The following CPEB2 variants were observed in gnomAD, a reference collection of about 807,000 sequenced individuals.
CPEB2 encodes cytoplasmic polyadenylation element binding protein 2, also known as cytoplasmic polyadenylation element-binding protein 2.
CPEB2 carries 56 observed loss-of-function variants against 93.6 expected under a neutral mutation model. The ratio of observed to expected loss-of-function variants is 0.60; its 90% confidence interval spans 0.48 to 0.75. The LOEUF (loss-of-function observed/expected upper bound fraction) is 0.75, where lower values mean the gene tolerates loss of function less well. Among genes scored for constraint, CPEB2 ranks in the 30% least tolerant of loss-of-function variants. The probability of loss-of-function intolerance (pLI) is 0.00; values close to 1 mark genes in which losing one functional copy is unlikely to be tolerated. For missense variants in CPEB2, 1,579 were observed against 1,395.1 expected (o/e 1.13, Z -2.10); for synonymous variants, 764 against 586.3 (o/e 1.30, Z -4.38).
chr4:15,039,661 G>A (rs1342715635), intron 5 of CPEB2, among the ~76,000 whole-genome samples: 1 of 151,884 alleles, frequency 6.6e-6, no homozygotes, highest in Non-Finnish European at 1.5e-5. Flanking sequence ...AGAAATTACA[G>A]TCTTTTTTTT....
chr4:15,012,856 G>A (rs1477744286), intron 3 of CPEB2, among the ~76,000 whole-genome samples: 1 of 151,756 alleles, frequency 6.6e-6, no homozygotes, highest in African/African-American at 2.4e-5. Flanking sequence ...TTTTTCTTTG[G>A]AAGAGTACCT....
chr4:15,043,266 A>G (rs965749508), intron 6 of CPEB2, among the ~76,000 whole-genome samples: 3 of 152,222 alleles, frequency 2.0e-5, no homozygotes, highest in African/African-American at 4.8e-5. Context: ...ATATTAATTT[A>G]TGAAATATAC....
At chr4:15,007,908 T>G (rs1174083148) in intron 2 of CPEB2, among the ~76,000 whole-genome samples, 1 of 152,198 alleles carries the variant, frequency 6.6e-6, no homozygotes, top group Non-Finnish European at 1.5e-5. Flanking sequence ...CCACCAAAAT[T>G]TGTTTCTCCT....
chr4:15,066,010 G>A (rs1560259641), intron 11 of CPEB2, 143 bp from the exon 12 acceptor site: 1 of 682,180 alleles, frequency 1.5e-6, no homozygotes. Flanking sequence ...CTACTACATT[G>A]TAAAGCTCCT....
At chr4:15,052,625 TAACAAA>T (rs1430512689) in intron 7 of CPEB2, 41 bp downstream of exon 7, 1 of 1,291,132 alleles carries the variant, frequency 7.7e-7, no homozygotes, top group South Asian at 2.2e-5. Flanking sequence ...ATTTGGGCTT[TAACAAA>T]AACAAAAAGA....
rs1577467762 is a variant in CPEB2 at position 15,059,401 on chromosome 4, G to A, written c.2695+100G>A. The A allele has an allele frequency of 1.3e-5, 9 of 705,576 alleles. No individual in the cohort carries two copies. The South Asian group carries it at 1.4e-4, about 11-fold the overall frequency. The allele number at this position is 705,576 out of a possible 1,614,324, so 43.7% of individuals were successfully genotyped here. ...AGCTATTGTGTACATGACACTATTGGACAGAGCAGGAGCAGATTCTGCATG... is the reference window on the plus strand; with the variant it reads ...AGCTATTGTGTACATGACACTATTGAACAGAGCAGGAGCAGATTCTGCATG... On this transcript the variant is annotated intron_variant, in intron 10 of 11. Transcript: ENST00000538197.
At chr4:15,009,787 G>A (rs1161453951) in intron 3 of CPEB2, among the ~76,000 whole-genome samples, 1 of 152,208 alleles carries the variant, frequency 6.6e-6, no homozygotes, top group Non-Finnish European at 1.5e-5. Flanking sequence ...GGCAGGGACA[G>A]ATGTTGAGAA....
At chr4:15,011,528 C>G (rs941019573) in intron 3 of CPEB2, among the ~76,000 whole-genome samples, 3 of 152,024 alleles carry the variant, frequency 2.0e-5, no homozygotes, top group Non-Finnish European at 2.9e-5. Flanking sequence ...AATTTGCAGC[C>G]AGATCCAGCA....
rs890275604 is a variant in CPEB2 at position 15,067,399 on chromosome 4, G to C, written c.*1019G>C. 21 of 152,450 alleles carry C rather than the reference G, an allele frequency of 1.4e-4. 1 individual carries two copies. Among genetic ancestry groups the C allele is most frequent in the Non-Finnish European group, 5.9e-5 (4 of 67,960 alleles). 9.4% of individuals were successfully genotyped at this position (152,450 alleles called of 1,614,324 possible). On this transcript the variant is annotated 3_prime_UTR_variant, in exon 12 of 12. Coordinates refer to ENST00000538197, the MANE Select transcript of CPEB2 (RefSeq NM_001177382.2). ...TTTATGCAGACTGGATGTAATATTTGTAATCCCTGTGCAATTTTGTGACGT... is the reference window on the plus strand; with the variant it reads ...TTTATGCAGACTGGATGTAATATTTCTAATCCCTGTGCAATTTTGTGACGT...
At chr4:15,064,524 T>C (rs577218934) in intron 11 of CPEB2, among the ~76,000 whole-genome samples, 2 of 151,398 alleles carry the variant, frequency 1.3e-5, no homozygotes, top group South Asian at 4.2e-4. Flanking sequence ...TCAGGTATTA[T>C]GGAAGTGAAG....
At chr4:15,053,207 G>C (rs76477618) in intron 7 of CPEB2, among the ~76,000 whole-genome samples, 3 of 151,840 alleles carry the variant, frequency 2.0e-5, no homozygotes, top group Non-Finnish European at 4.4e-5. Flanking sequence ...TAGGTGAGAC[G>C]GGGTTTCACT....
rs534266090 is a variant in CPEB2, at chr4:15,004,114, AGCGGCG to A, written c.1456_1461del (p.Gly486_Gly487del). 396 of 1,474,968 alleles carry A rather than the reference AGCGGCG, an allele frequency of 2.7e-4. 3 individuals are homozygous for A. The East Asian group carries it at 5.8e-3, about 22-fold the overall frequency. 91.4% of individuals were successfully genotyped at this position (1,474,968 alleles called of 1,614,324 possible). On this transcript the variant is annotated inframe_deletion, in exon 1 of 12. Transcript: ENST00000538197. ...CTGCACTGGGCTCAGCGTTCCGACG[AGCGGCG>A]GCGGCGGCGGCGGCTTCGGCGGCCC...
chr4:15,053,315 C>G (rs2604579), intron 7 of CPEB2, among the ~76,000 whole-genome samples: 1 of 151,962 alleles, frequency 6.6e-6, no homozygotes, highest in African/African-American at 2.4e-5. Flanking sequence ...CATACCCGGC[C>G]AAAAGTTTAA....
chr4:15,003,792 G>A lies in CPEB2; in HGVS notation c.1119G>A (p.Pro373=), dbSNP rs1296461794. 2 of 758,674 alleles carry A rather than the reference G, an allele frequency of 2.6e-6. No homozygotes were observed. The highest frequency in any genetic ancestry group is 3.4e-6 in the Non-Finnish European group (2 of 591,898). The allele number at this position is 758,674 out of a possible 1,614,324, so 47.0% of individuals were successfully genotyped here. Residue 373 remains proline, a synonymous_variant, in exon 1 of 12, where the codon CCG becomes CCA. Coordinates refer to ENST00000538197, the MANE Select transcript of CPEB2 (RefSeq NM_001177382.2). ...GGGGGGGSAS[P]PPLPGFGTPW... ...GAGGGGGAGGCGGCTCCGCGTCGCCGCCGCCGCTGCCCGGCTTCGGCACCC... is the reference window on the plus strand; with the variant it reads ...GAGGGGGAGGCGGCTCCGCGTCGCCACCGCCGCTGCCCGGCTTCGGCACCC...
chr4:15,021,608 G>C (rs1056702784), intron 4 of CPEB2, among the ~76,000 whole-genome samples: 5 of 152,082 alleles, frequency 3.3e-5, no homozygotes, highest in African/African-American at 1.2e-4. Context: ...AAGTTGATTT[G>C]AAAACTCTAG....
Position 15,069,806 on chromosome 4 carries a change from GTTT to G in CPEB2, c.*3427_*3429del, listed in dbSNP as rs1729959867. The G allele has an allele frequency of 6.6e-6, 1 of 152,120 alleles. No individual in the cohort carries two copies. 9.4% of individuals were successfully genotyped at this position (152,120 alleles called of 1,614,324 possible). ...GAATCGCACAAGTGGTTTATGGAGTGTTTGGATTGTAATTATAAATGGTTCTTT... is the reference window on the plus strand; with the variant it reads ...GAATCGCACAAGTGGTTTATGGAGTGGGATTGTAATTATAAATGGTTCTTT... On this transcript the variant is annotated 3_prime_UTR_variant, in exon 12 of 12. Transcript: ENST00000538197.
intron 1 of CPEB2, among the ~76,000 whole-genome samples, chr4:15,006,250 A>G (rs1722801058): frequency 6.6e-6 from 1 of 152,200 alleles, no homozygotes; most frequent in African/African-American, 2.4e-5. Context: ...TTGGTGCTGT[A>G]GATCAGGAGT....
chr4:15,059,878 C>A (rs1477222262), intron 10 of CPEB2, among the ~76,000 whole-genome samples: 1 of 152,070 alleles, frequency 6.6e-6, no homozygotes, highest in Non-Finnish European at 1.5e-5. Context: ...TCACTGAGAA[C>A]ATCGTCTCCC....
chr4:15,003,770 G>T lies in CPEB2; in HGVS notation c.1097G>T (p.Gly366Val), dbSNP rs1431914030. Residue 366 changes from glycine (G) to valine (V), a missense_variant, in exon 1 of 12, where the codon GGG becomes GTG. Physicochemically the swap from Gly to Val is moderately radical, Grantham distance 109. Coordinates refer to ENST00000538197, the MANE Select transcript of CPEB2 (RefSeq NM_001177382.2). ...GGGGGPPGGG[G>V]GGGSASPPPL... is the part of the protein sequence containing the mutation. ...GGCGGGGGGCCCCCAGGAGGCGGAGGGGGAGGCGGCTCCGCGTCGCCGCCG... is the reference window on the plus strand; with the variant it reads ...GGCGGGGGGCCCCCAGGAGGCGGAGTGGGAGGCGGCTCCGCGTCGCCGCCG... 4.2e-6 allele frequency: 5 copies of T among 1,188,900 alleles called. No homozygotes were observed. The highest frequency in any genetic ancestry group is 3.3e-5 in the African/African-American group (2 of 61,026). The allele number at this position is 1,188,900 out of a possible 1,614,324, so 73.6% of individuals were successfully genotyped here.
Sources: gnomAD v4.1 joint callset for allele counts (sites outside exome capture counted in the v4.1 genomes callset) on GRCh38, gnomAD v4.1.1 for gene constraint, MANE v1.5 for transcripts, NCBI Gene and HGNC (gene_info 2026-07-23, HGNC 2026-07-21) for gene names.